Variants in CA5A observed in about 807,000 individuals in gnomAD.
CA5A encodes carbonic anhydrase 5A, mitochondrial.
In CA5A, 28 loss-of-function variants were observed where a neutral mutation model predicts 37.1. The observed-to-expected ratio is 0.75, with a 90% confidence interval of 0.56 to 1.03. CA5A has a LOEUF of 1.03. Among genes scored for constraint, CA5A ranks in the 50% least tolerant of loss-of-function variants. CA5A has a pLI of 0.00. For synonymous variants in CA5A, 171 were observed against 158.4 expected (o/e 1.08, Z -0.60); for missense variants, 444 against 399.9 (o/e 1.11, Z -0.94).
rs1362337772 is a variant in CA5A at position 87,926,850 on chromosome 16, G to C, written c.238C>G (p.Leu80Val). ...QWRDSVYDPQ[L>V]KPLRVSYEAA... ...TCATAGGAGACCCTGAGTGGCTTCAGCTGGGGGTCATAGACGCTGTCCCTC... is the reference window on the plus strand; with the variant it reads ...TCATAGGAGACCCTGAGTGGCTTCACCTGGGGGTCATAGACGCTGTCCCTC... The change falls in exon 2 of 7, where the codon CTG (leucine) becomes GTG (valine). Residue 80 changes from leucine (L) to valine (V), a missense_variant. By Grantham distance (32) the Leu-to-Val change is conservative (BLOSUM62 1). Coordinates refer to ENST00000649794, the MANE Select transcript of CA5A (RefSeq NM_001739.2). 2 of 1,613,714 alleles carry C rather than the reference G, an allele frequency of 1.2e-6. No homozygotes were observed. Among genetic ancestry groups the C allele is most frequent in the Non-Finnish European group, 1.7e-6 (2 of 1,179,712 alleles).
intron 1 of CA5A, among the ~76,000 whole-genome samples, chr16:87,928,757 TTTG>T (rs1186358856): frequency 4.6e-4 from 41 of 89,820 alleles, no homozygotes; most frequent in African/African-American, 1.9e-3. Context: ...TTTTCTTTTC[TTTG>T]TTTTTTTTTT....
chr16:87,904,295 T>C (rs1461687213), intron 3 of CA5A, among the ~76,000 whole-genome samples: 1 of 151,674 alleles, frequency 6.6e-6, no homozygotes, highest in African/African-American at 2.4e-5. Flanking sequence ...TGAGCCAAGA[T>C]TGCACCAATG....
At chr16:87,913,655 C>T (rs963761021) in intron 2 of CA5A, among the ~76,000 whole-genome samples, 1 of 136,144 alleles carries the variant, frequency 7.3e-6, no homozygotes, top group Non-Finnish European at 1.5e-5. Flanking sequence ...GTGCCGTGGC[C>T]CCCCCCTCCT....
At chr16:87,902,709 A>G (rs1043531598) in intron 3 of CA5A, among the ~76,000 whole-genome samples, 189 bp from the exon 4 acceptor site, 3 of 151,518 alleles carry the variant, frequency 2.0e-5, no homozygotes, top group Non-Finnish European at 2.9e-5. Context: ...GATCGAGACC[A>G]TGCTGGCTAA....
chr16:87,931,665 G>A (rs1378067581), intron 1 of CA5A, among the ~76,000 whole-genome samples: 1 of 152,182 alleles, frequency 6.6e-6, no homozygotes, highest in Non-Finnish European at 1.5e-5. Flanking sequence ...AGACGGGGAG[G>A]ATGCATTTCC....
intron 5 of CA5A, among the ~76,000 whole-genome samples, chr16:87,896,373 CTGTCCTGTCTCT>C: frequency 6.6e-6 from 1 of 152,210 alleles, no homozygotes; most frequent in Non-Finnish European, 1.5e-5. Context: ...CCAGGAGTTC[CTGTCCTGTCTCT>C]AAGATGCATG....
At chr16:87,913,725 G>A (rs563373392) in intron 2 of CA5A, among the ~76,000 whole-genome samples, 36 of 147,972 alleles carry the variant, frequency 2.4e-4, no homozygotes, top group African/African-American at 9.1e-4. Context: ...CACACTGCCC[G>A]AGCACCTCAC....
intron 4 of CA5A, 44 bp from the exon 5 acceptor site, chr16:87,902,018 T>TTG: frequency 6.5e-7 from 1 of 1,542,360 alleles, no homozygotes; most frequent in Non-Finnish European, 9.0e-7. Context: ...AGGCAGTGGA[T>TTG]GGGGGGGGAA....
chr16:87,934,743 T>C (rs2056448666), intron 1 of CA5A, among the ~76,000 whole-genome samples: 1 of 152,172 alleles, frequency 6.6e-6, no homozygotes, highest in Non-Finnish European at 1.5e-5. Context: ...GTAGACCACC[T>C]GAGGTCGGGA....
rs542677258 is a variant in CA5A, at chr16:87,924,416, A to C, written c.340+2332T>G. ...CTGTGTAGGGCCTGGCACAGAGAAG[A>C]AGCTCTCACGCCCTGCCCCCAACAG... On this transcript the variant is annotated intron_variant, in intron 2 of 6. Coordinates refer to ENST00000649794, the MANE Select transcript of CA5A (RefSeq NM_001739.2). The C allele has an allele frequency of 1.4e-4, 94 of 676,748 alleles. No individual in the cohort carries two copies. In the South Asian group the frequency reaches 5.0e-3, roughly 36 times the overall value. The allele number at this position is 676,748 out of a possible 1,614,324, so 41.9% of individuals were successfully genotyped here. A position where few individuals can be genotyped will look rare whatever the true frequency, so the allele number is the denominator to read the frequency against.
intron 1 of CA5A, among the ~76,000 whole-genome samples, chr16:87,932,682 T>C (rs1271950962): frequency 2.0e-5 from 3 of 151,924 alleles, no homozygotes; most frequent in African/African-American, 4.8e-5. Flanking sequence ...GCAGGGGACA[T>C]GGAATCAAAG....
chr16:87,936,138 C>T (rs145180151), intron 1 of CA5A, among the ~76,000 whole-genome samples, 171 bp downstream of exon 1: 2,530 of 149,382 alleles, frequency 0.017, 70 homozygotes, highest in African/African-American at 0.058. Context: ...CGCCACTGTA[C>T]TCCAGCCTGG....
chr16:87,936,286 A>C, intron 1 of CA5A, 23 bp downstream of exon 1: 1 of 1,568,624 alleles, frequency 6.4e-7, no homozygotes, highest in Non-Finnish European at 8.8e-7. Context: ...GTCGCATCTT[A>C]GGAAATTTGA....
intron 2 of CA5A, among the ~76,000 whole-genome samples, chr16:87,909,775 C>T (rs1355865524): frequency 1.3e-5 from 2 of 152,210 alleles, no homozygotes; most frequent in African/African-American, 4.8e-5. Flanking sequence ...GCCGCGAAGA[C>T]CGCCCACCAG....
intron 2 of CA5A, among the ~76,000 whole-genome samples, chr16:87,922,469 C>G (rs1478170121): frequency 6.6e-6 from 1 of 152,236 alleles, no homozygotes; most frequent in East Asian, 1.9e-4. Flanking sequence ...CATCTAGATT[C>G]CAAGGCACAC....
intron 5 of CA5A, among the ~76,000 whole-genome samples, chr16:87,900,492 G>A (rs963538014): frequency 6.6e-6 from 1 of 152,266 alleles, no homozygotes; most frequent in African/African-American, 2.4e-5. Flanking sequence ...GTTAACACAG[G>A]TTGAAGCCTC....
chr16:87,912,312 T>C (rs1285463689), intron 2 of CA5A, among the ~76,000 whole-genome samples: 2 of 151,788 alleles, frequency 1.3e-5, no homozygotes, highest in African/African-American at 4.8e-5. Context: ...AATAAATAAA[T>C]AAACAATAAA....
intron 1 of CA5A, among the ~76,000 whole-genome samples, chr16:87,932,154 T>G (rs1023586143): frequency 1.3e-5 from 2 of 151,628 alleles, no homozygotes; most frequent in Non-Finnish European, 2.9e-5. Context: ...CAAATCTCCC[T>G]TGCATCCAAC....
intron 1 of CA5A, among the ~76,000 whole-genome samples, chr16:87,928,066 G>C (rs2056337514): frequency 6.6e-6 from 1 of 152,076 alleles, no homozygotes; most frequent in South Asian, 2.1e-4. Context: ...TCCAAATACA[G>C]AGTCCCCTTG....
Sources: gnomAD v4.1 joint callset for allele counts (sites outside exome capture counted in the v4.1 genomes callset) on GRCh38, gnomAD v4.1.1 for gene constraint, MANE v1.5 for transcripts, NCBI Gene and HGNC (gene_info 2026-07-23, HGNC 2026-07-21) for gene names.